The following CCDC148 variants were observed in gnomAD, a reference collection of about 807,000 sequenced individuals.
The protein encoded by CCDC148 is coiled-coil domain containing 148.
In CCDC148, 89 loss-of-function variants were observed where a neutral mutation model predicts 85.7. The observed-to-expected ratio is 1.04, with a 90% CI of 0.87 to 1.24. CCDC148 has a LOEUF of 1.24. CCDC148 is among the 50% of genes most tolerant of loss of function. CCDC148 has a pLI of 0.00. For synonymous variants in CCDC148, 230 were observed against 213.9 expected (o/e 1.08, Z -0.66); for missense variants, 692 against 671.7 (o/e 1.03, Z -0.33).
At chr2:158,270,047 T>C (rs1057025484) in intron 9 of CCDC148, among the ~76,000 whole-genome samples, 2 of 152,206 alleles carry the variant, frequency 1.3e-5, no homozygotes, top group Admixed American at 6.5e-5. Context: ...GCATGAGATA[T>C]AAGATTGCAA....
At chr2:158,175,015 T>C (rs1684506035) in intron 13 of CCDC148, among the ~76,000 whole-genome samples, 1 of 152,044 alleles carries the variant, frequency 6.6e-6, no homozygotes, top group Non-Finnish European at 1.5e-5. Context: ...TAGCAAGACC[T>C]ACTATGCTTT....
chr2:158,397,626 G>T (rs1360577748), intron 1 of CCDC148, among the ~76,000 whole-genome samples: 1 of 152,068 alleles, frequency 6.6e-6, no homozygotes, highest in Admixed American at 6.6e-5. Flanking sequence ...ATTCCTGAAG[G>T]AAGCCATAAA....
rs371727441 is a variant in CCDC148, at chr2:158,276,337, G to A, written c.1111-25425C>T. Among the ~76,000 whole-genome samples, 49 of 152,280 alleles carry A rather than the reference G, an allele frequency of 3.2e-4. No individual in the cohort carries two copies. In the South Asian group the frequency reaches 9.1e-3, roughly 28 times the overall value. ...TAATCCCAGCTATTTGGGAGGCTGA[G>A]GCACAAGGATCTCTTGAACCTGGGA... On this transcript the variant is annotated intron_variant, in intron 9 of 13. Coordinates refer to ENST00000283233, the MANE Select transcript of CCDC148 (RefSeq NM_138803.4).
intron 1 of CCDC148, among the ~76,000 whole-genome samples, chr2:158,397,839 T>A (rs943134740): frequency 6.6e-6 from 1 of 151,828 alleles, no homozygotes; most frequent in South Asian, 2.1e-4. Context: ...GACTAGCAAA[T>A]TGGATAAAGA....
chr2:158,381,564 C>T (rs2105288579), intron 1 of CCDC148, among the ~76,000 whole-genome samples: 1 of 152,234 alleles, frequency 6.6e-6, no homozygotes, highest in South Asian at 2.1e-4. Context: ...ACTAGCAGTT[C>T]ATCTACTATG....
At chr2:158,283,567 T>C (rs936699904) in intron 9 of CCDC148, among the ~76,000 whole-genome samples, 67 of 152,148 alleles carry the variant, frequency 4.4e-4, no homozygotes, top group Non-Finnish European at 6.3e-4. Flanking sequence ...AAATCAAAAC[T>C]ACAATGAGAT....
rs114671407 is a variant in CCDC148 at position 158,272,276 on chromosome 2, G to A, written c.1111-21364C>T. 3.7e-3 allele frequency among the ~76,000 whole-genome samples: 559 copies of A among 152,224 alleles called. 3 individuals carry two copies. The highest frequency in any genetic ancestry group is 0.013 in the African/African-American group (532 of 41,532). ...ACAATCTCAGTAACAAGCAGAGCAT[G>A]TGCTAGAGGTAGAGACCAAGACAGT... On this transcript the variant is annotated intron_variant, in intron 9 of 13. Transcript: ENST00000283233.
intron 8 of CCDC148, among the ~76,000 whole-genome samples, chr2:158,312,599 C>CAAAAA (rs1182789527): frequency 7.4e-6 from 1 of 135,476 alleles, no homozygotes. Context: ...AAAAAAAAAC[C>CAAAAA]AAAAAACAAA....
intron 2 of CCDC148, among the ~76,000 whole-genome samples, chr2:158,351,315 C>G (rs1029592138): frequency 8.5e-5 from 13 of 152,194 alleles, no homozygotes; most frequent in African/African-American, 2.7e-4. Context: ...GCATTTCCAT[C>G]TGAGGTACCG....
At chr2:158,347,448 A>G (rs1296393492) in intron 2 of CCDC148, among the ~76,000 whole-genome samples, 1 of 152,042 alleles carries the variant, frequency 6.6e-6, no homozygotes, top group African/African-American at 2.4e-5. Flanking sequence ...TGGGCCAAAA[A>G]TGAAAAAAAA....
intron 1 of CCDC148, among the ~76,000 whole-genome samples, chr2:158,424,227 A>G (rs560718532): frequency 9.2e-5 from 14 of 152,356 alleles, no homozygotes; most frequent in Admixed American, 2.0e-4. Flanking sequence ...GTATACACCC[A>G]AAGGATTATA....
chr2:158,217,372 G>GTATATATATATA (rs1279069325), intron 11 of CCDC148, among the ~76,000 whole-genome samples: 1 of 72,322 alleles, frequency 1.4e-5, no homozygotes, highest in African/African-American at 3.9e-5. Flanking sequence ...TTGTGTGTGT[G>GTATATATATATA]TGTATATATA....
intron 2 of CCDC148, among the ~76,000 whole-genome samples, chr2:158,351,003 T>A (rs1387958996): frequency 6.6e-6 from 1 of 152,206 alleles, no homozygotes; most frequent in Admixed American, 6.5e-5. Context: ...TATCTCATTG[T>A]AACTTCATAC....
At chr2:158,404,038 G>A (rs1249219467) in intron 1 of CCDC148, among the ~76,000 whole-genome samples, 1 of 152,052 alleles carries the variant, frequency 6.6e-6, no homozygotes, top group Non-Finnish European at 1.5e-5. Flanking sequence ...ATAGCATTCC[G>A]ATACAGTTGC....
rs571882730 is a variant in CCDC148, at chr2:158,406,681, G to A, written c.26-48111C>T. ...TCCATTACCCAGGCTGGAGTACAGT[G>A]GCATGATCACAGCTCACTGTAACCT... On this transcript the variant is annotated intron_variant, in intron 1 of 13. Coordinates refer to ENST00000283233, the MANE Select transcript of CCDC148 (RefSeq NM_138803.4). Among the ~76,000 whole-genome samples, 19 of 126,096 alleles carry A rather than the reference G, an allele frequency of 1.5e-4. No homozygotes were observed. The South Asian group carries it at 3.6e-3, about 24-fold the overall frequency. The allele number at this position is 126,096 out of a possible 152,430, so 82.7% of individuals were successfully genotyped here.
intron 1 of CCDC148, among the ~76,000 whole-genome samples, chr2:158,440,385 T>C (rs964175162): frequency 6.6e-6 from 1 of 152,052 alleles, no homozygotes; most frequent in Non-Finnish European, 1.5e-5. Flanking sequence ...TAAATATACA[T>C]ACATTACTCA....
chr2:158,234,188 T>C (rs1352048286), intron 10 of CCDC148, among the ~76,000 whole-genome samples: 2 of 151,240 alleles, frequency 1.3e-5, no homozygotes, highest in East Asian at 1.9e-4. Context: ...AAAAAAAAAA[T>C]TGACTTCAAA....
rs1005727970 is a variant in CCDC148, at chr2:158,306,834, A to T, written c.1110+2599T>A. ...CTAGAACTTAGAGTATAATAATAAA[A>T]AAAAAAAACACTAAAAAAAAAAAAT... On this transcript the variant is annotated intron_variant, in intron 9 of 13. Transcript: ENST00000283233. 9.9e-5 allele frequency among the ~76,000 whole-genome samples: 15 copies of T among 151,632 alleles called. 1 individual carries two copies. In the Middle Eastern group the frequency reaches 0.01, roughly 103 times the overall value.
intron 1 of CCDC148, among the ~76,000 whole-genome samples, chr2:158,395,340 G>A (rs1685478723): frequency 1.3e-5 from 2 of 152,096 alleles, no homozygotes; most frequent in African/African-American, 4.8e-5. Flanking sequence ...TTTCTGAAGA[G>A]CCACTTCCTC....
Sources: gnomAD v4.1 joint callset for allele counts (sites outside exome capture counted in the v4.1 genomes callset) on GRCh38, gnomAD v4.1.1 for gene constraint, MANE v1.5 for transcripts, NCBI Gene and HGNC (gene_info 2026-07-23, HGNC 2026-07-21) for gene names.